The following VPS4A variants were observed in gnomAD, a reference collection of about 807,000 sequenced individuals.
VPS4A encodes the protein vacuolar protein sorting-associated protein 4A.
In VPS4A, 20 loss-of-function variants were observed where a neutral mutation model predicts 52.3. The ratio of observed to expected loss-of-function variants is 0.38; its 90% confidence interval spans 0.27 to 0.56. The LOEUF (loss-of-function observed/expected upper bound fraction) is 0.56, where lower values mean the gene tolerates loss of function less well. Among genes scored for constraint, VPS4A ranks in the 20% least tolerant of loss-of-function variants. The pLI is 0.72. For missense variants in VPS4A, 419 were observed against 575.9 expected (o/e 0.73, Z 2.79); for synonymous variants, 293 against 227.7 (o/e 1.29, Z -2.58).
Position 69,324,348 on chromosome 16 carries a change from G to A in VPS4A, c.*39G>A. On this transcript the variant is annotated 3_prime_UTR_variant, in exon 11 of 11. Coordinates refer to ENST00000254950, the MANE Select transcript of VPS4A (RefSeq NM_013245.3). ...TGGGCAATGGTGAAGGTGGGAGGTT[G>A]ATTGGGGCAAATCCAGGCACTCCCC... is the stretch of plus-strand genomic sequence containing the variant. The A allele has an allele frequency of 6.3e-7, 1 of 1,598,926 alleles. No individual in the cohort carries two copies. The highest frequency in any genetic ancestry group is 8.5e-7 in the Non-Finnish European group (1 of 1,170,464).
chr16:69,319,639 T>C (rs1180692548), intron 6 of VPS4A, 96 bp downstream of exon 6: 1 of 1,475,764 alleles, frequency 6.8e-7, no homozygotes, highest in Non-Finnish European at 9.1e-7. Flanking sequence ...AGGAGTGGTT[T>C]GGTTTTCAGG....
At position 69,321,423 on chromosome 16, in the gene VPS4A, T is replaced by G; in HGVS notation, c.1071+153T>G. The stretch of plus-strand genomic sequence containing the variant: ...AGCCGAGGGCCAGTGCCATGGGGGC[T>G]GCACCCACTGTCCCCTCCCTGCAGC... On this transcript the variant is annotated intron_variant, in intron 9 of 10. Transcript: ENST00000254950. This position sits in a 1 kb window ranked among gnomAD's most constrained non-coding sequence, Gnocchi z 4.5. 1.7e-5 allele frequency: 13 copies of G among 775,988 alleles called. No homozygotes were observed. Among genetic ancestry groups the G allele is most frequent in the South Asian group, 7.3e-5 (4 of 54,696 alleles). 48.1% of individuals were successfully genotyped at this position (775,988 alleles called of 1,614,324 possible).
At chr16:69,318,427 C>G (rs1436630371) in intron 3 of VPS4A, among the ~76,000 whole-genome samples, 1 of 152,256 alleles carries the variant, frequency 6.6e-6, no homozygotes, top group Non-Finnish European at 1.5e-5. Flanking sequence ...CGCGAAGAAA[C>G]AGGGCGGGTT....
intron 10 of VPS4A, 71 bp from the exon 11 acceptor site, chr16:69,324,137 G>C: frequency 1.3e-6 from 2 of 1,487,674 alleles, no homozygotes; most frequent in South Asian, 1.2e-5. Flanking sequence ...AGCTGCGCCT[G>C]TTGTGTGCTG....
At position 69,321,062 on chromosome 16, in the gene VPS4A, G is replaced by A. The variant is rs1457982028; in HGVS notation, c.863G>A (p.Arg288Gln). 1.3e-6 allele frequency: 2 copies of A among 1,585,834 alleles called. No individual in the cohort carries two copies. The highest frequency in any genetic ancestry group is 1.7e-6 in the Non-Finnish European group (2 of 1,165,820). The change falls in exon 9 of 11, where the codon CGA becomes CAA. Residue 288 changes from arginine to glutamine, a missense_variant. Coordinates refer to ENST00000254950, the MANE Select transcript of VPS4A (RefSeq NM_013245.3). The surrounding 1 kb of genome is among the most constrained non-coding windows in gnomAD (Gnocchi z 4.5). ...DSAIRRRFEK[R>Q]IYIPLPEEAA... ...GCTGGGCTCTCTAGGTTTGAAAAAC[G>A]AATTTATATCCCCTTGCCGGAGGAA...
Position 69,316,244 on chromosome 16 carries a change from G to A in VPS4A, c.153G>A (p.Lys51=), listed in dbSNP as rs552674435. The change falls in exon 3 of 11, where the codon AAG becomes AAA. Residue 51 remains lysine, a synonymous_variant. Transcript: ENST00000254950. The stretch of plus-strand genomic sequence containing the variant: ...TCACAGATGAGGCCCACAGCGACAA[G>A]GCCAAGGAGAGCATTCGAGCCAAGT... ...HAIKYEAHSD[K]AKESIRAKCV... 2.2e-5 allele frequency: 36 copies of A among 1,613,696 alleles called. No homozygotes were observed. The highest frequency in any genetic ancestry group is 1.5e-4 in the South Asian group (14 of 91,090).
In VPS4A at chr16:69,319,257, TTGTTTGCCAGTA is replaced by T. The variant is rs370621598; in HGVS notation, c.464-129_464-118del. On this transcript the variant is annotated intron_variant, in intron 5 of 10. Transcript: ENST00000254950. ...CAGCAGGGAATGTAGCTCCCATCACTTGTTTGCCAGTAGAGTCCGTTGTTTCACAGAATGCCC... is the reference window on the plus strand; with the variant it reads ...CAGCAGGGAATGTAGCTCCCATCACTGAGTCCGTTGTTTCACAGAATGCCC... 2.6e-4 allele frequency: 346 copies of T among 1,347,804 alleles called. 1 individual carries two copies. In the African/African-American group the frequency reaches 3.9e-3, roughly 15 times the overall value. The allele number at this position is 1,347,804 out of a possible 1,614,324, so 83.5% of individuals were successfully genotyped here.
At chr16:69,318,547 C>T (rs1041995359) in intron 3 of VPS4A, 103 bp from the exon 4 acceptor site, 29 of 1,298,156 alleles carry the variant, frequency 2.2e-5, no homozygotes, top group African/African-American at 7.4e-5. Context: ...AGGAAGGCTT[C>T]GTTCCTTAAC....
Position 69,324,399 on chromosome 16 carries a change from G to A in VPS4A, c.*90G>A, listed in dbSNP as rs542815490. ...ATGTCAACAGCCAGACAGGGCTCCAGGGCTTGTCCCAGTCAATACAGAGTT... is the reference window on the plus strand; with the variant it reads ...ATGTCAACAGCCAGACAGGGCTCCAAGGCTTGTCCCAGTCAATACAGAGTT... On this transcript the variant is annotated 3_prime_UTR_variant, in exon 11 of 11. Transcript: ENST00000254950. 109 of 1,356,180 alleles carry A rather than the reference G, an allele frequency of 8.0e-5. 2 individuals carry two copies. The South Asian group carries it at 1.3e-3, about 16-fold the overall frequency. 84.0% of individuals were successfully genotyped at this position (1,356,180 alleles called of 1,614,324 possible).
chr16:69,320,040 C>T lies in VPS4A; in HGVS notation c.621-101C>T. 1 of 1,453,500 alleles carries T rather than the reference C, an allele frequency of 6.9e-7. No individual in the cohort carries two copies. Among genetic ancestry groups the T allele is most frequent in the Non-Finnish European group, 9.2e-7 (1 of 1,082,600 alleles). The allele number at this position is 1,453,500 out of a possible 1,614,324, so 90.0% of individuals were successfully genotyped here. A position where few individuals can be genotyped will look rare whatever the true frequency, so the allele number is the denominator to read the frequency against. ...TCCGCAATTCCGGCATGACCGTGGC[C>T]TGCGCCTCCCTGTGGGAAGGGTGAG... On this transcript the variant is annotated intron_variant, in intron 6 of 10. Transcript: ENST00000254950. This position sits in a 1 kb window ranked among gnomAD's most constrained non-coding sequence, Gnocchi z 4.2.
intron 10 of VPS4A, chr16:69,323,637 G>C (rs1162508813): frequency 2.2e-6 from 1 of 456,032 alleles, no homozygotes; most frequent in South Asian, 1.5e-5. Flanking sequence ...CTTGTGGCTG[G>C]TGTTGGGGGT....
At position 69,320,782 on chromosome 16, in the gene VPS4A, C is replaced by T; in HGVS notation, c.851+13C>T. 6.3e-7 allele frequency: 1 copy of T among 1,592,902 alleles called. No homozygotes were observed. Among genetic ancestry groups the T allele is most frequent in the Non-Finnish European group, 8.6e-7 (1 of 1,169,550 alleles). On this transcript the variant is annotated intron_variant, in intron 8 of 10. Coordinates refer to ENST00000254950, the MANE Select transcript of VPS4A (RefSeq NM_013245.3). This position sits in a 1 kb window ranked among gnomAD's most constrained non-coding sequence, Gnocchi z 4.2. Reference sequence around the variant, plus strand: ...CCATCAGGAGGAGGTGAGTCTTCCCCAGGAGAAGCCAGGGCTGGAGGCTTC... The same window carrying T: ...CCATCAGGAGGAGGTGAGTCTTCCCTAGGAGAAGCCAGGGCTGGAGGCTTC...
In VPS4A at chr16:69,311,542, G is replaced by GCGGCC. The variant is rs1965377746; in HGVS notation, c.21+18_21+22dup. 2 of 1,331,466 alleles carry GCGGCC rather than the reference G, an allele frequency of 1.5e-6. No individual in the cohort carries two copies. The highest frequency in any genetic ancestry group is 1.9e-6 in the Non-Finnish European group (2 of 1,027,746). 82.5% of individuals were successfully genotyped at this position (1,331,466 alleles called of 1,614,324 possible). ...AACGTCAACCCTCCAGGTACTTCGT[G>GCGGCC]CGGCCCGGCCCGACTTCGGAGGCCG... is the stretch of plus-strand genomic sequence containing the variant. On this transcript the variant is annotated intron_variant, in intron 1 of 10. Transcript: ENST00000254950.
Position 69,324,402 on chromosome 16 carries a change from C to T in VPS4A, c.*93C>T. 2 of 1,333,298 alleles carry T rather than the reference C, an allele frequency of 1.5e-6. No individual in the cohort carries two copies. The highest frequency in any genetic ancestry group is 2.1e-6 in the Non-Finnish European group (2 of 949,642). 82.6% of individuals were successfully genotyped at this position (1,333,298 alleles called of 1,614,324 possible). On this transcript the variant is annotated 3_prime_UTR_variant, in exon 11 of 11. Transcript: ENST00000254950. ...TCAACAGCCAGACAGGGCTCCAGGG[C>T]TTGTCCCAGTCAATACAGAGTTCCC...
intron 1 of VPS4A, 79 bp downstream of exon 1, chr16:69,311,611 G>T: frequency 8.2e-7 from 1 of 1,214,920 alleles, no homozygotes; most frequent in South Asian, 3.8e-5. Context: ...CGGCGGGCGG[G>T]TGGTCAGGTG....
intron 1 of VPS4A, among the ~76,000 whole-genome samples, chr16:69,313,494 C>G (rs1323521221): frequency 2.0e-5 from 3 of 152,104 alleles, no homozygotes; most frequent in South Asian, 2.1e-4. Context: ...TTTATATAAA[C>G]AGAGTCATAC....
chr16:69,320,156 G>A lies in VPS4A; in HGVS notation c.636G>A (p.Leu212=). The part of the protein sequence containing the change: ...LGESEKLVKN[L]FELARQHKPS... Reference sequence around the variant, plus strand: ...ACCTTCACAGGCTGGTCAAGAACCTGTTTGAGCTGGCCAGGCAGCACAAGC... The same window carrying A: ...ACCTTCACAGGCTGGTCAAGAACCTATTTGAGCTGGCCAGGCAGCACAAGC... Residue 212 remains leucine (L), a synonymous_variant, in exon 7 of 11, where the codon CTG becomes CTA. Coordinates refer to ENST00000254950, the MANE Select transcript of VPS4A (RefSeq NM_013245.3). The surrounding 1 kb of genome is among the most constrained non-coding windows in gnomAD (Gnocchi z 4.2). 1 of 1,613,692 alleles carries A rather than the reference G, an allele frequency of 6.2e-7. No homozygotes were observed. The highest frequency in any genetic ancestry group is 8.5e-7 in the Non-Finnish European group (1 of 1,179,708).
At chr16:69,319,682 A>G (rs765687534) in intron 6 of VPS4A, 139 bp downstream of exon 6, 111 of 1,185,110 alleles carry the variant, frequency 9.4e-5, no homozygotes, top group Non-Finnish European at 1.2e-4. Context: ...TCGCTAGCTT[A>G]TCGGCTGGGA....
At position 69,324,900 on chromosome 16, in the gene VPS4A, G is replaced by A. The variant is rs975753118; in HGVS notation, c.*591G>A. On this transcript the variant is annotated 3_prime_UTR_variant, in exon 11 of 11. Transcript: ENST00000254950. ...TGTCTTCCTTGGGGGAGGAGATGGT[G>A]TCGTTTAGATCAGGGTAAGGCAGTC... The A allele has an allele frequency of 6.3e-6, 1 of 159,420 alleles. No homozygotes were observed. The highest frequency in any genetic ancestry group is 1.4e-5 in the Non-Finnish European group (1 of 71,752). 9.9% of individuals were successfully genotyped at this position (159,420 alleles called of 1,614,324 possible). A position where few individuals can be genotyped will look rare whatever the true frequency, so the allele number is the denominator to read the frequency against.
Sources: allele counts gnomAD v4.1 joint callset (sites outside exome capture counted in the v4.1 genomes callset), GRCh38; gene constraint gnomAD v4.1.1; non-coding constraint Gnocchi (gnomAD v3.1); transcripts MANE v1.5; gene names NCBI Gene and HGNC (gene_info 2026-07-23, HGNC 2026-07-21).